CLIC4: variants seen among roughly 807,000 people sequenced by gnomAD.
The protein encoded by CLIC4 is chloride intracellular channel protein 4.
A neutral mutation model predicts 24.6 loss-of-function variants in CLIC4; 13 were observed. The ratio of observed to expected loss-of-function variants is 0.53; its 90% CI spans 0.34 to 0.84. The LOEUF is 0.84. Among genes scored for constraint, CLIC4 ranks in the 40% least tolerant of loss-of-function variants. The probability of loss-of-function intolerance (pLI) is 0.01; values close to 1 mark genes in which losing one functional copy is unlikely to be tolerated. For missense variants in CLIC4, 227 were observed against 301.7 expected (o/e 0.75, Z 1.83); for synonymous variants, 104 against 111.3 (o/e 0.93, Z 0.41).
chr1:24,767,653 C>T (rs996663880), intron 1 of CLIC4, among the ~76,000 whole-genome samples: 1 of 152,090 alleles, frequency 6.6e-6, no homozygotes, highest in South Asian at 2.1e-4. Context: ...AGTCCATCGG[C>T]CTCAGCAGCT....
intron 3 of CLIC4, among the ~76,000 whole-genome samples, chr1:24,824,091 A>G (rs1639763340): frequency 6.6e-6 from 1 of 152,230 alleles, no homozygotes; most frequent in East Asian, 1.9e-4. Flanking sequence ...CTATTTGCTA[A>G]AGCCAATAAT....
At chr1:24,801,849 G>A (rs529410181) in intron 2 of CLIC4, among the ~76,000 whole-genome samples, 6 of 152,312 alleles carry the variant, frequency 3.9e-5, no homozygotes, top group Admixed American at 2.0e-4. Flanking sequence ...GTATATAAAT[G>A]TAGAAATAAG....
intron 2 of CLIC4, among the ~76,000 whole-genome samples, chr1:24,806,282 G>C (rs1411094594): frequency 3.9e-5 from 6 of 152,098 alleles, no homozygotes; most frequent in Non-Finnish European, 1.5e-5. Flanking sequence ...GGCCTGAGAG[G>C]GCAGGTGAGA....
chr1:24,781,731 G>A (rs979877388), intron 1 of CLIC4, among the ~76,000 whole-genome samples: 4 of 151,042 alleles, frequency 2.6e-5, no homozygotes, highest in Admixed American at 1.3e-4. Flanking sequence ...GCAGTGGCGC[G>A]ATCTCGGCTC....
At chr1:24,812,612 T>C (rs1639625209) in intron 2 of CLIC4, among the ~76,000 whole-genome samples, 1 of 152,162 alleles carries the variant, frequency 6.6e-6, no homozygotes, top group Non-Finnish European at 1.5e-5. Context: ...TTTTGTATTT[T>C]GGTTAAAAAA....
intron 1 of CLIC4, among the ~76,000 whole-genome samples, chr1:24,747,868 C>T (rs1638722396): frequency 6.6e-6 from 1 of 151,712 alleles, no homozygotes; most frequent in Non-Finnish European, 1.5e-5. Flanking sequence ...AACCCTGTCT[C>T]TACTAAAAAT....
At chr1:24,818,283 T>G (rs142040248) in intron 3 of CLIC4, among the ~76,000 whole-genome samples, 54 of 152,164 alleles carry the variant, frequency 3.5e-4, no homozygotes, top group African/African-American at 1.3e-3. Flanking sequence ...TTTGGTTTTT[T>G]TTTGTTTGTT....
At chr1:24,756,973 G>A (rs954163262) in intron 1 of CLIC4, among the ~76,000 whole-genome samples, 8 of 151,626 alleles carry the variant, frequency 5.3e-5, no homozygotes, top group Admixed American at 1.3e-4. Flanking sequence ...TCTGCTCACC[G>A]CAACCTCCGC....
At chr1:24,799,643 G>T (rs1284530313) in intron 2 of CLIC4, among the ~76,000 whole-genome samples, 28 of 138,908 alleles carry the variant, frequency 2.0e-4, no homozygotes, top group Non-Finnish European at 4.1e-4. Context: ...GTCGGGGAGG[G>T]AGGTGGGGGG....
At chr1:24,788,996 A>G (rs773806367) in intron 1 of CLIC4, among the ~76,000 whole-genome samples, 4 of 152,206 alleles carry the variant, frequency 2.6e-5, no homozygotes, top group Non-Finnish European at 5.9e-5. Context: ...CTAGACTTCC[A>G]TCCTCTGTTG....
rs187642552 is a variant in CLIC4, at chr1:24,815,500, C to T, written c.308+1281C>T. 1.6e-3 allele frequency among the ~76,000 whole-genome samples: 243 copies of T among 152,040 alleles called. 1 individual carries two copies. Among genetic ancestry groups the T allele is most frequent in the African/African-American group, 5.5e-3 (228 of 41,466 alleles). ...CTGGGTGACAAAAGCAAAACTCCGT[C>T]TCAAAAAAAAATCATTGCTAAAAAA... On this transcript the variant is annotated intron_variant, in intron 3 of 5. Coordinates refer to ENST00000374379, the MANE Select transcript of CLIC4 (RefSeq NM_013943.3).
At chr1:24,754,574 C>T (rs145531146) in intron 1 of CLIC4, among the ~76,000 whole-genome samples, 2 of 152,212 alleles carry the variant, frequency 1.3e-5, no homozygotes, top group Non-Finnish European at 2.9e-5. Flanking sequence ...TAGACGCTTG[C>T]ATAGAGAATG....
intron 1 of CLIC4, among the ~76,000 whole-genome samples, chr1:24,785,012 A>AAG (rs1553191098): frequency 6.6e-6 from 1 of 151,424 alleles, no homozygotes; most frequent in African/African-American, 2.4e-5. Context: ...TCAAAAAAAA[A>AAG]AAAAAAGAAA....
chr1:24,769,645 A>G (rs1639048349), intron 1 of CLIC4, among the ~76,000 whole-genome samples: 1 of 152,198 alleles, frequency 6.6e-6, no homozygotes, highest in South Asian at 2.1e-4. Flanking sequence ...AAATTCTGAG[A>G]ATATTTAAGG....
chr1:24,755,256 A>G (rs1638831423), intron 1 of CLIC4, among the ~76,000 whole-genome samples: 2 of 145,536 alleles, frequency 1.4e-5, no homozygotes, highest in African/African-American at 5.1e-5. Flanking sequence ...GTGAGCTACC[A>G]CTCCTGGCCC....
chr1:24,762,293 A>T (rs925254174), intron 1 of CLIC4, among the ~76,000 whole-genome samples: 1 of 152,114 alleles, frequency 6.6e-6, no homozygotes, highest in East Asian at 1.9e-4. Context: ...GTGATGTCAC[A>T]TGCCTATAGT....
intron 1 of CLIC4, among the ~76,000 whole-genome samples, chr1:24,763,808 A>G (rs16829990): frequency 0.011 from 1,742 of 152,114 alleles, 31 homozygotes; most frequent in African/African-American, 0.039. Context: ...ATCCTTCAAG[A>G]TTCATATTTC....
chr1:24,765,012 T>G lies in CLIC4; in HGVS notation c.72+19387T>G, dbSNP rs1402494266. Among the ~76,000 whole-genome samples, 62 of 152,186 alleles carry G rather than the reference T, an allele frequency of 4.1e-4. 2 individuals are homozygous for G. Among genetic ancestry groups the G allele is most frequent in the Admixed American group, 4.1e-3 (62 of 15,266 alleles). ...TAATGAATGAGCTATAAGGAAGGCG[T>G]ACTATACACAATTATCTTAGATGGG... On this transcript the variant is annotated intron_variant, in intron 1 of 5. Coordinates refer to ENST00000374379, the MANE Select transcript of CLIC4 (RefSeq NM_013943.3).
chr1:24,823,652 T>C (rs1323455970), intron 3 of CLIC4, among the ~76,000 whole-genome samples: 1 of 151,436 alleles, frequency 6.6e-6, no homozygotes, highest in Non-Finnish European at 1.5e-5. Flanking sequence ...CGGGCGCCTG[T>C]AATCCCAGCG....
Sources: gnomAD v4.1 joint callset for allele counts (sites outside exome capture counted in the v4.1 genomes callset) on GRCh38, gnomAD v4.1.1 for gene constraint, MANE v1.5 for transcripts, NCBI Gene and HGNC (gene_info 2026-07-23, HGNC 2026-07-21) for gene names.